Variants in LRP6 observed in about 807,000 individuals in gnomAD.
LRP6 encodes LDL receptor related protein 6.
In LRP6, 43 loss-of-function variants were observed where a neutral mutation model predicts 184.1. The observed-to-expected ratio is 0.23, with a 90% CI of 0.18 to 0.30. LRP6 has a LOEUF of 0.30. LRP6 is among the 10% of genes least tolerant of loss of function. The probability of loss-of-function intolerance (pLI) is 1.00; values close to 1 mark genes in which losing one functional copy is unlikely to be tolerated. For synonymous variants in LRP6, 719 were observed against 684.9 expected, an observed-to-expected ratio of 1.05 and a Z score of -0.78; for missense variants, 1,571 against 2,005.3, an observed-to-expected ratio of 0.78 and a Z score of 4.14.
At chr12:12,170,547 T>TA (rs1307715895) in intron 7 of LRP6, among the ~76,000 whole-genome samples, 1 of 152,118 alleles carries the variant, frequency 6.6e-6, no homozygotes, top group African/African-American at 2.4e-5. Context: ...GAGCCACATG[T>TA]AATTAGTGGC....
At chr12:12,221,186 T>C (rs970288020) in intron 2 of LRP6, among the ~76,000 whole-genome samples, 2 of 152,218 alleles carry the variant, frequency 1.3e-5, no homozygotes, top group African/African-American at 4.8e-5. Flanking sequence ...TGCAAACTGA[T>C]ATAAAAGGAA....
chr12:12,226,012 G>A (rs1215755773), intron 2 of LRP6, among the ~76,000 whole-genome samples: 5 of 152,084 alleles, frequency 3.3e-5, no homozygotes, highest in Non-Finnish European at 2.9e-5. Flanking sequence ...CTGGGGGAAG[G>A]AAAATATCCA....
chr12:12,163,003 TC>T (rs1862776626), intron 9 of LRP6, among the ~76,000 whole-genome samples: 1 of 152,056 alleles, frequency 6.6e-6, no homozygotes, highest in Admixed American at 6.6e-5. Context: ...TGAGACAGAG[TC>T]TCACTCTGTC....
chr12:12,138,410 A>T lies in LRP6; in HGVS notation c.3522T>A (p.Gly1174=). Residue 1174 remains glycine, a synonymous_variant, in exon 16 of 23, where the codon GGT becomes GGA. Transcript: ENST00000261349. ...CTTGGACTTTGGTTCTACCCTCTCG[A>T]CCTGTCATGTCAATTTTTTCAATCA... The part of the protein sequence containing the change: ...QQMIEKIDMT[G]REGRTKVQAR... The T allele has an allele frequency of 1.2e-6, 2 of 1,614,122 alleles. No individual in the cohort carries two copies. Among genetic ancestry groups the T allele is most frequent in the Non-Finnish European group, 1.7e-6 (2 of 1,180,012 alleles).
chr12:12,203,527 G>GATTACA, intron 2 of LRP6, 127 bp from the exon 3 acceptor site: 1 of 750,262 alleles, frequency 1.3e-6, no homozygotes, highest in Non-Finnish European at 2.2e-6. Flanking sequence ...AGCACTCTGG[G>GATTACA]AGGCTGAGGC....
At chr12:12,145,624 CTTTTTTTTTTT>C (rs1157764946) in intron 15 of LRP6, among the ~76,000 whole-genome samples, 1 of 80,314 alleles carries the variant, frequency 1.2e-5, no homozygotes, top group Admixed American at 1.7e-4. Context: ...TTTTCTTTTT[CTTTTTTTTTTT>C]TTTTTTTTTT....
intron 2 of LRP6, among the ~76,000 whole-genome samples, chr12:12,235,038 A>G (rs570020981): frequency 1.4e-4 from 22 of 152,308 alleles, no homozygotes; most frequent in Non-Finnish European, 2.2e-4. Context: ...GGGATGGGGA[A>G]GAAGAACACT....
chr12:12,236,346 G>GA lies in LRP6; in HGVS notation c.449+7915dup, dbSNP rs776755107. Among the ~76,000 whole-genome samples the GA allele has an allele frequency of 8.4e-4, 128 of 152,338 alleles. 1 individual carries two copies. The highest frequency in any genetic ancestry group is 1.5e-3 in the Non-Finnish European group (105 of 68,036). Reference sequence around the variant, plus strand: ...GCAACAATTTGAGCAAGAAAATCATGACAGTTTTGGATTACAACCTACAGG... The same window carrying GA: ...GCAACAATTTGAGCAAGAAAATCATGAACAGTTTTGGATTACAACCTACAGG... On this transcript the variant is annotated intron_variant, in intron 2 of 22. Transcript: ENST00000261349.
intron 2 of LRP6, among the ~76,000 whole-genome samples, chr12:12,215,117 AGC>A (rs1864307530): frequency 6.6e-6 from 1 of 152,208 alleles, no homozygotes; most frequent in African/African-American, 2.4e-5. Context: ...CTCTGCAGTG[AGC>A]AGCATGACCT....
rs76738256 is a variant in LRP6, at chr12:12,249,985, T to C, written c.56-5330A>G. The stretch of plus-strand genomic sequence containing the variant: ...TCCCCTAGTCTGACAATTACTGTCT[T>C]GTTGACTCTTATTTTACAAGCATGT... On this transcript the variant is annotated intron_variant, in intron 1 of 22. Coordinates refer to ENST00000261349, the MANE Select transcript of LRP6 (RefSeq NM_002336.3). Among the ~76,000 whole-genome samples the C allele has an allele frequency of 8.1e-3, 1,234 of 152,330 alleles. 16 individuals are homozygous for C. Among genetic ancestry groups the C allele is most frequent in the African/African-American group, 0.028 (1,174 of 41,572 alleles).
In LRP6 at chr12:12,136,903, T is replaced by C. The variant is rs146747784; in HGVS notation, c.3607+1422A>G. Among the ~76,000 whole-genome samples the C allele has an allele frequency of 3.1e-3, 466 of 152,306 alleles. 3 individuals are homozygous for C. The highest frequency in any genetic ancestry group is 9.8e-3 in the African/African-American group (409 of 41,574). On this transcript the variant is annotated intron_variant, in intron 16 of 22. Transcript: ENST00000261349. ...ATAGTTATTAAATAAAACCTCTCCCTTGAAATTCTGAAAATCTTGAGATTT... is the reference window on the plus strand; with the variant it reads ...ATAGTTATTAAATAAAACCTCTCCCCTGAAATTCTGAAAATCTTGAGATTT...
chr12:12,251,440 T>G (rs954039187), intron 1 of LRP6, among the ~76,000 whole-genome samples: 4 of 152,066 alleles, frequency 2.6e-5, no homozygotes, highest in African/African-American at 9.7e-5. Context: ...CTCAGCTCAC[T>G]GCAAGCACCA....
intron 15 of LRP6, among the ~76,000 whole-genome samples, chr12:12,146,769 T>C (rs1328866124): frequency 6.6e-6 from 1 of 152,186 alleles, no homozygotes; most frequent in Non-Finnish European, 1.5e-5. Flanking sequence ...GGAGAAAAAC[T>C]GGCAGGGAGA....
At chr12:12,243,190 T>C (rs1391856810) in intron 2 of LRP6, among the ~76,000 whole-genome samples, 2 of 152,196 alleles carry the variant, frequency 1.3e-5, no homozygotes, top group Non-Finnish European at 2.9e-5. Context: ...AAATGGTGTA[T>C]ACTAATAGTA....
intron 3 of LRP6, among the ~76,000 whole-genome samples, chr12:12,195,444 G>A (rs118164843): frequency 0.013 from 1,908 of 152,190 alleles, 13 homozygotes; most frequent in Non-Finnish European, 0.016. Flanking sequence ...TTTCCTGGAT[G>A]ATTTGTGATG....
At chr12:12,185,847 GTTT>G (rs71435899) in intron 4 of LRP6, among the ~76,000 whole-genome samples, 1 of 140,890 alleles carries the variant, frequency 7.1e-6, no homozygotes. Context: ...TGTGTTTTTT[GTTT>G]TTTTTTTTTT....
chr12:12,145,256 G>A (rs971351212), intron 15 of LRP6, among the ~76,000 whole-genome samples: 10 of 151,908 alleles, frequency 6.6e-5, no homozygotes, highest in Non-Finnish European at 1.5e-5. Context: ...CTATACATGC[G>A]TAAGTGTGTG....
chr12:12,225,703 C>T (rs1345385464), intron 2 of LRP6, among the ~76,000 whole-genome samples: 2 of 151,894 alleles, frequency 1.3e-5, no homozygotes, highest in Non-Finnish European at 2.9e-5. Flanking sequence ...AAAACCCCAT[C>T]GCTACTAAAA....
Position 12,214,430 on chromosome 12 carries a change from A to G in LRP6, c.450-11030T>C, listed in dbSNP as rs954482939. On this transcript the variant is annotated intron_variant, in intron 2 of 22. Coordinates refer to ENST00000261349, the MANE Select transcript of LRP6 (RefSeq NM_002336.3). ...CATTCAAAGGCCCAGTCAGCTTACT[A>G]AAAACCCATTCTTCAGATATCTCAT... is the stretch of plus-strand genomic sequence containing the variant. Among the ~76,000 whole-genome samples the G allele has an allele frequency of 4.6e-5, 7 of 152,222 alleles. No individual in the cohort carries two copies. The South Asian group carries it at 8.3e-4, about 18-fold the overall frequency.
Sources: allele counts gnomAD v4.1 joint callset (sites outside exome capture counted in the v4.1 genomes callset), GRCh38; gene constraint gnomAD v4.1.1; transcripts MANE v1.5; gene names NCBI Gene and HGNC (gene_info 2026-07-23, HGNC 2026-07-21).